Variants in GALK2 observed in about 807,000 individuals in gnomAD.
The protein encoded by GALK2 is galactokinase 2, also known as N-acetylgalactosamine kinase.
In GALK2, 36 loss-of-function variants were observed where a neutral mutation model predicts 52.4. The observed-to-expected ratio is 0.69, with a 90% CI of 0.53 to 0.91. The LOEUF (loss-of-function observed/expected upper bound fraction) is 0.91. Ranked by LOEUF, GALK2 falls within the 40% of genes least tolerant of loss-of-function variation. GALK2 has a pLI of 0.00. For missense variants in GALK2, 579 were observed against 559.1 expected (o/e 1.04, Z -0.36); for synonymous variants, 176 against 199.1 (o/e 0.88, Z 0.98).
At chr15:49,323,545 G>A (rs1331337978) in intron 9 of GALK2, among the ~76,000 whole-genome samples, 1 of 152,158 alleles carries the variant, frequency 6.6e-6, no homozygotes, top group Non-Finnish European at 1.5e-5. Flanking sequence ...GAAACTATTT[G>A]TATGAAAAGA....
At chr15:49,239,436 C>G in intron 5 of GALK2, 69 bp downstream of exon 5, 1 of 1,427,564 alleles carries the variant, frequency 7.0e-7, no homozygotes, top group East Asian at 2.3e-5. Flanking sequence ...AATCTCAAAT[C>G]AGAATGCCTT....
intron 3 of GALK2, among the ~76,000 whole-genome samples, chr15:49,340,968 A>C (rs2040635673): frequency 6.6e-6 from 1 of 152,202 alleles, no homozygotes; most frequent in South Asian, 2.1e-4. Context: ...GTCCAGTTCC[A>C]ATCTTTGGCA....
intron 1 of GALK2, 36 bp from the exon 2 acceptor site, chr15:49,201,126 A>T (rs190655224): frequency 2.6e-6 from 3 of 1,133,542 alleles, no homozygotes; most frequent in East Asian, 2.4e-5. Flanking sequence ...ATTTTCTGTT[A>T]TATGATATTC....
At chr15:49,165,315 C>T (rs2084783929), upstream of GALK2, among the ~76,000 whole-genome samples, 1 of 152,116 alleles carries the variant, frequency 6.6e-6, no homozygotes, top group South Asian at 2.1e-4. Flanking sequence ...CATAATAACC[C>T]TATGAAGTAG....
chr15:49,210,957 T>TCACACA (rs764698505), intron 2 of GALK2, among the ~76,000 whole-genome samples: 4,644 of 112,546 alleles, frequency 0.041, 121 homozygotes, highest in South Asian at 0.058. Context: ...ATGTTGGCTG[T>TCACACA]CACACACACA....
chr15:49,218,605 C>G (rs1341541339), intron 3 of GALK2, among the ~76,000 whole-genome samples: 1 of 152,038 alleles, frequency 6.6e-6, no homozygotes, highest in African/African-American at 2.4e-5. Flanking sequence ...TACCAGGACC[C>G]CTAGGAAGCA....
intron 5 of GALK2, among the ~76,000 whole-genome samples, chr15:49,266,015 TC>T (rs2092348077): frequency 6.6e-6 from 1 of 152,238 alleles, no homozygotes; most frequent in Non-Finnish European, 1.5e-5. Flanking sequence ...TGGACTGGGT[TC>T]AGCTTGACAG....
Position 49,357,400 on chromosome 15 carries a change from G to C in GALK2, c.427-10091G>C, listed in dbSNP as rs1158482425. ...AGACGCAATAAAAAATGATAAAGGGGATATCACCACCGATCCCACAGAAAT... is the reference window on the plus strand; with the variant it reads ...AGACGCAATAAAAAATGATAAAGGGCATATCACCACCGATCCCACAGAAAT... On this transcript the variant is annotated intron_variant, in intron 3 of 3. Coordinates refer to the GALK2 transcript ENST00000558399. 4.3e-4 allele frequency among the ~76,000 whole-genome samples: 65 copies of C among 149,502 alleles called. No homozygotes were observed. The South Asian group carries it at 0.014, about 31-fold the overall frequency.
At chr15:49,280,420 G>A (rs2032518029) in intron 5 of GALK2, among the ~76,000 whole-genome samples, 1 of 152,192 alleles carries the variant, frequency 6.6e-6, no homozygotes, top group South Asian at 2.1e-4. Flanking sequence ...AAGACAATGA[G>A]ATGTGAAAGA....
intron 1 of GALK2, chr15:49,156,473 A>G (rs903785469): frequency 1.5e-5 from 7 of 477,670 alleles, no homozygotes; most frequent in Non-Finnish European, 2.9e-5. Context: ...TCCAGAAATT[A>G]AGGGAGAGAT....
At chr15:49,215,816 T>C (rs1427239446) in intron 2 of GALK2, among the ~76,000 whole-genome samples, 1 of 152,238 alleles carries the variant, frequency 6.6e-6, no homozygotes, top group African/African-American at 2.4e-5. Flanking sequence ...CTTATGGGCA[T>C]TGACAAATTA....
At chr15:49,240,157 C>T (rs1198306421) in intron 5 of GALK2, among the ~76,000 whole-genome samples, 1 of 152,126 alleles carries the variant, frequency 6.6e-6, no homozygotes, top group African/African-American at 2.4e-5. Context: ...AGACAGAATC[C>T]TTCTTTTTAG....
At chr15:49,191,036 C>T (rs549213607) in intron 1 of GALK2, among the ~76,000 whole-genome samples, 41 of 152,082 alleles carry the variant, frequency 2.7e-4, no homozygotes, top group African/African-American at 8.7e-4. Context: ...ATTTGCAGTT[C>T]TAGAATTGGG....
chr15:49,205,479 A>G (rs527398805), intron 2 of GALK2, among the ~76,000 whole-genome samples: 2 of 152,302 alleles, frequency 1.3e-5, no homozygotes, highest in South Asian at 4.1e-4. Flanking sequence ...CCTGATCATT[A>G]GTGATGTTGA....
chr15:49,259,402 A>G (rs1422393951), intron 5 of GALK2, among the ~76,000 whole-genome samples: 1 of 125,004 alleles, frequency 8.0e-6, no homozygotes, highest in Non-Finnish European at 1.6e-5. Flanking sequence ...ATGTGTTCTC[A>G]TTGTTCAGTT....
At chr15:49,293,767 T>A (rs1023429789) in intron 8 of GALK2, among the ~76,000 whole-genome samples, 1 of 152,100 alleles carries the variant, frequency 6.6e-6, no homozygotes, top group Non-Finnish European at 1.5e-5. Flanking sequence ...GTGATGGAGT[T>A]GTACTTGGGT....
chr15:49,262,757 T>C (rs1399728164), intron 5 of GALK2, among the ~76,000 whole-genome samples: 1 of 146,916 alleles, frequency 6.8e-6, no homozygotes, highest in African/African-American at 2.6e-5. Flanking sequence ...CCAGAGATTC[T>C]GGTATGTTGT....
downstream of GALK2, chr15:49,335,469 A>T (rs144999767): frequency 1.1e-4 from 173 of 1,613,520 alleles, no homozygotes; most frequent in Non-Finnish European, 2.5e-5. Context: ...CCTCCTTTAT[A>T]ACATCACGGT....
chr15:49,198,619 TG>T (rs1431256649), intron 1 of GALK2, among the ~76,000 whole-genome samples: 1 of 152,336 alleles, frequency 6.6e-6, no homozygotes, highest in African/African-American at 2.4e-5. Context: ...ATCATTGCTT[TG>T]TCAGTTTTTT....
Sources: gnomAD v4.1 joint callset for allele counts (sites outside exome capture counted in the v4.1 genomes callset) on GRCh38, gnomAD v4.1.1 for gene constraint, MANE v1.5 for transcripts, NCBI Gene and HGNC (gene_info 2026-07-23, HGNC 2026-07-21) for gene names.